The following PRKG2 variants were observed in gnomAD, a reference collection of about 807,000 sequenced individuals.
PRKG2 encodes the protein protein kinase cGMP-dependent 2, also known as cGMP-dependent protein kinase 2.
A neutral mutation model predicts 97.2 loss-of-function variants in PRKG2; 33 were observed. The ratio of observed to expected loss-of-function variants is 0.34; its 90% CI spans 0.26 to 0.45. The LOEUF (loss-of-function observed/expected upper bound fraction) is 0.45. Ranked by LOEUF, PRKG2 falls within the 20% of genes least tolerant of loss-of-function variation. The pLI is 1.00. For synonymous variants in PRKG2, 330 were observed against 321.8 expected, an observed-to-expected ratio of 1.03 and a Z score of -0.27; for missense variants, 638 against 900.0, an observed-to-expected ratio of 0.71 and a Z score of 3.73.
At position 81,088,146 on chromosome 4, in the gene PRKG2, A is replaced by C. The variant is rs1446013287; in HGVS notation, c.*1562T>G. On this transcript the variant is annotated 3_prime_UTR_variant, in exon 19 of 19. Transcript: ENST00000264399. ...TAATCTTTAAAAATACAGCTCCAGG[A>C]AACAAAAACTCTTTGGTTCAGCAAA... 2.6e-5 allele frequency: 4 copies of C among 152,260 alleles called. No homozygotes were observed. The East Asian group carries it at 5.8e-4, about 22-fold the overall frequency. 9.4% of individuals were successfully genotyped at this position (152,260 alleles called of 1,614,324 possible).
chr4:81,183,950 CCT>C (rs1408352539), intron 2 of PRKG2, among the ~76,000 whole-genome samples: 1 of 152,176 alleles, frequency 6.6e-6, no homozygotes, highest in African/African-American at 2.4e-5. Flanking sequence ...CTAGATTCCC[CCT>C]CTCTGGGCAG....
In PRKG2 at chr4:81,130,142, C is replaced by G. The variant is rs140904693; in HGVS notation, c.1776+5013G>C. Among the ~76,000 whole-genome samples, 1,485 of 152,128 alleles carry G rather than the reference C, an allele frequency of 9.8e-3. 26 individuals carry two copies. Among genetic ancestry groups the G allele is most frequent in the African/African-American group, 0.034 (1,405 of 41,482 alleles). The stretch of plus-strand genomic sequence containing the variant: ...TCCTCACTTACATGGATTTATCTAC[C>G]TTTGGTATTAGATGTTGGTGACCTT... On this transcript the variant is annotated intron_variant, in intron 14 of 18. Transcript: ENST00000264399.
At chr4:81,098,218 T>A (rs1469940669) in intron 17 of PRKG2, among the ~76,000 whole-genome samples, 2 of 152,106 alleles carry the variant, frequency 1.3e-5, no homozygotes, top group Non-Finnish European at 2.9e-5. Flanking sequence ...ACTGGATGCT[T>A]CTTGCCCTCG....
intron 6 of PRKG2, among the ~76,000 whole-genome samples, chr4:81,158,808 T>A (rs1408765857): frequency 6.6e-6 from 1 of 152,090 alleles, no homozygotes; most frequent in Non-Finnish European, 1.5e-5. Flanking sequence ...TCTACAACCA[T>A]CTGATCTTTG....
intron 12 of PRKG2, among the ~76,000 whole-genome samples, chr4:81,140,192 A>G (rs1414195773): frequency 6.6e-6 from 1 of 152,180 alleles, no homozygotes; most frequent in Non-Finnish European, 1.5e-5. Context: ...GAGATGGTTA[A>G]TGGGTACAAA....
intron 7 of PRKG2, 68 bp downstream of exon 7, chr4:81,153,576 T>C: frequency 1.6e-6 from 2 of 1,262,984 alleles, no homozygotes; most frequent in South Asian, 1.3e-5. Flanking sequence ...ATGCAAAGCA[T>C]AGTTGAGTTT....
chr4:81,209,148 T>G (rs1290145604), intron 1 of PRKG2, among the ~76,000 whole-genome samples: 1 of 152,208 alleles, frequency 6.6e-6, no homozygotes, highest in African/African-American at 2.4e-5. Flanking sequence ...ATTTAGAAAT[T>G]GCTGTCCACC....
At chr4:81,142,741 C>G in intron 11 of PRKG2, 53 bp downstream of exon 11, 1 of 1,453,562 alleles carries the variant, frequency 6.9e-7, no homozygotes. Flanking sequence ...GAATATAAAA[C>G]AAAAAAAAAG....
intron 2 of PRKG2, among the ~76,000 whole-genome samples, chr4:81,199,335 TA>T (rs1008749890): frequency 1.4e-4 from 21 of 152,072 alleles, no homozygotes; most frequent in African/African-American, 2.7e-4. Flanking sequence ...TCATTGCATT[TA>T]AAAAAAATTA....
At chr4:81,187,557 A>C (rs1751995683) in intron 2 of PRKG2, among the ~76,000 whole-genome samples, 3 of 152,162 alleles carry the variant, frequency 2.0e-5, no homozygotes, top group Admixed American at 2.0e-4. Flanking sequence ...AATCTGGTAC[A>C]AGTCAAGGCT....
intron 3 of PRKG2, 33 bp from the exon 4 acceptor site, chr4:81,171,837 A>G (rs753210555): frequency 1.4e-6 from 2 of 1,433,718 alleles, no homozygotes; most frequent in East Asian, 4.6e-5. Flanking sequence ...ACACACACAC[A>G]AATAATCGAA....
rs1262283935 is a variant in PRKG2, at chr4:81,154,134, T to TC, written c.913-414_913-413insG. 4 of 162,186 alleles carry TC rather than the reference T, an allele frequency of 2.5e-5. No individual in the cohort carries two copies. In the East Asian group the frequency reaches 7.5e-4, roughly 30 times the overall value. The allele number at this position is 162,186 out of a possible 1,614,324, so 10.0% of individuals were successfully genotyped here. A position where few individuals can be genotyped will look rare whatever the true frequency, so the allele number is the denominator to read the frequency against. On this transcript the variant is annotated intron_variant, in intron 6 of 18. Transcript: ENST00000264399. ...GGAGGGTCCTACGCCCACGGAGTCT[T>TC]GCTGATTGCTAGCACAGCAGTCTGA... is the stretch of plus-strand genomic sequence containing the variant.
intron 17 of PRKG2, among the ~76,000 whole-genome samples, chr4:81,098,742 C>T (rs370325804): frequency 6.6e-6 from 1 of 152,098 alleles, no homozygotes; most frequent in African/African-American, 2.4e-5. Flanking sequence ...TCTTATATGG[C>T]TGCGGTTTGT....
chr4:81,185,299 C>A (rs1434810866), intron 2 of PRKG2, among the ~76,000 whole-genome samples: 1 of 152,140 alleles, frequency 6.6e-6, no homozygotes, highest in East Asian at 1.9e-4. Flanking sequence ...CCGTACAAGC[C>A]AGTAGAGAGT....
chr4:81,158,444 T>TGTG (rs1749305981), intron 6 of PRKG2, among the ~76,000 whole-genome samples: 3 of 137,140 alleles, frequency 2.2e-5, no homozygotes, highest in African/African-American at 1.1e-4. Context: ...CTCAAGGAAA[T>TGTG]AAAAGAGGAT....
At chr4:81,106,161 T>TC (rs2109971974) in intron 15 of PRKG2, among the ~76,000 whole-genome samples, 1 of 152,258 alleles carries the variant, frequency 6.6e-6, no homozygotes, top group South Asian at 2.1e-4. Flanking sequence ...AGGTAATTGG[T>TC]CATGTGTCGA....
At chr4:81,114,587 G>T (rs1482287153) in intron 14 of PRKG2, among the ~76,000 whole-genome samples, 1 of 152,062 alleles carries the variant, frequency 6.6e-6, no homozygotes, top group Non-Finnish European at 1.5e-5. Flanking sequence ...ATACAAATAT[G>T]GTTTGAGTTG....
chr4:81,175,173 T>C (rs1750815790), intron 2 of PRKG2, among the ~76,000 whole-genome samples: 1 of 152,142 alleles, frequency 6.6e-6, no homozygotes, highest in Non-Finnish European at 1.5e-5. Flanking sequence ...ATTATTCTGA[T>C]AGTCATCATG....
chr4:81,167,902 A>G (rs1750128510), intron 5 of PRKG2, among the ~76,000 whole-genome samples: 1 of 152,004 alleles, frequency 6.6e-6, no homozygotes, highest in African/African-American at 2.4e-5. Flanking sequence ...GGAAATACAT[A>G]AGAACTTCAA....
Sources: allele counts gnomAD v4.1 joint callset (sites outside exome capture counted in the v4.1 genomes callset), GRCh38; gene constraint gnomAD v4.1.1; transcripts MANE v1.5; gene names NCBI Gene and HGNC (gene_info 2026-07-23, HGNC 2026-07-21).